TAF4B: variants seen among roughly 807,000 people sequenced by gnomAD.
The protein encoded by TAF4B is transcription initiation factor TFIID subunit 4B.
In TAF4B, 38 loss-of-function variants were observed where a neutral mutation model predicts 86.4. The ratio of observed to expected loss-of-function variants is 0.44; its 90% CI spans 0.34 to 0.58. The LOEUF (loss-of-function observed/expected upper bound fraction) is 0.58, where lower values mean the gene tolerates loss of function less well. Ranked by LOEUF, TAF4B falls within the 20% of genes least tolerant of loss-of-function variation. The pLI, the probability that TAF4B is intolerant of heterozygous loss-of-function variation, is 0.02. For synonymous variants in TAF4B, 388 were observed against 391.2 expected, an observed-to-expected ratio of 0.99 and a Z score of 0.10; for missense variants, 988 against 1,027.6, an observed-to-expected ratio of 0.96 and a Z score of 0.53.
intron 14 of TAF4B, among the ~76,000 whole-genome samples, chr18:26,385,260 T>C (rs889831200): frequency 6.6e-6 from 1 of 152,250 alleles, no homozygotes; most frequent in Non-Finnish European, 1.5e-5. Flanking sequence ...GGTTATTTAG[T>C]ATCATTATTA....
chr18:26,293,951 A>G (rs544455525), intron 9 of TAF4B, among the ~76,000 whole-genome samples: 1 of 152,244 alleles, frequency 6.6e-6, no homozygotes, highest in African/African-American at 2.4e-5. Flanking sequence ...TTTTTAGAGC[A>G]TCTGTGTCAT....
chr18:26,326,777 G>A (rs907876931), intron 11 of TAF4B, among the ~76,000 whole-genome samples: 6 of 152,132 alleles, frequency 3.9e-5, no homozygotes, highest in African/African-American at 1.4e-4. Context: ...TACTAGCAAA[G>A]TTCTTTGAAA....
chr18:26,232,800 T>C (rs1464068632), intron 1 of TAF4B, among the ~76,000 whole-genome samples: 1 of 152,224 alleles, frequency 6.6e-6, no homozygotes, highest in African/African-American at 2.4e-5. Flanking sequence ...AGAGTAAGGA[T>C]AGATTTTGTT....
At chr18:26,238,581 T>C (rs907090473) in intron 1 of TAF4B, among the ~76,000 whole-genome samples, 1 of 152,106 alleles carries the variant, frequency 6.6e-6, no homozygotes, top group Non-Finnish European at 1.5e-5. Context: ...AATGAACTAA[T>C]ATTTATACCT....
At chr18:26,345,907 G>C (rs1036295856) in intron 13 of TAF4B, among the ~76,000 whole-genome samples, 7 of 152,188 alleles carry the variant, frequency 4.6e-5, no homozygotes, top group African/African-American at 1.7e-4. Context: ...ACAGAATACT[G>C]ATGGACATTC....
intron 13 of TAF4B, among the ~76,000 whole-genome samples, chr18:26,355,852 T>C (rs1221140404): frequency 6.6e-6 from 1 of 152,236 alleles, no homozygotes; most frequent in Non-Finnish European, 1.5e-5. Flanking sequence ...TCTAAAACTA[T>C]ATTTTTTATT....
In TAF4B at chr18:26,274,716, T is replaced by C. The variant is rs1382823189; in HGVS notation, c.651T>C (p.Asn217=). The C allele has an allele frequency of 1.2e-6, 2 of 1,614,080 alleles. No homozygotes were observed. The highest frequency in any genetic ancestry group is 1.7e-6 in the Non-Finnish European group (2 of 1,180,016). The change falls in exon 4 of 15, where the codon AAT becomes AAC. Residue 217 remains asparagine (N), a synonymous_variant. Transcript: ENST00000269142. ...CAGTTACTCCTGGAAAGCCATTGAATACTGTAACTACCCTGAAGCCTTCAA... is the reference window on the plus strand; with the variant it reads ...CAGTTACTCCTGGAAAGCCATTGAACACTGTAACTACCCTGAAGCCTTCAA... ...VVTVTPGKPL[N]TVTTLKPSSL...
intron 1 of TAF4B, among the ~76,000 whole-genome samples, chr18:26,235,462 T>C (rs956890617): frequency 2.6e-5 from 4 of 152,236 alleles, no homozygotes; most frequent in African/African-American, 9.6e-5. Flanking sequence ...AGACGCCTTG[T>C]ACCCTTGATT....
At chr18:26,251,746 A>G (rs138472481) in intron 1 of TAF4B, among the ~76,000 whole-genome samples, 3 of 152,322 alleles carry the variant, frequency 2.0e-5, no homozygotes. Flanking sequence ...ACTAACATTC[A>G]GTTTCCCTTT....
In TAF4B at chr18:26,261,172, ATTTT is replaced by A. The variant is rs71169839; in HGVS notation, c.344-3974_344-3971del. 3.0e-3 allele frequency among the ~76,000 whole-genome samples: 230 copies of A among 77,074 alleles called. 1 individual carries two copies. The highest frequency in any genetic ancestry group is 0.011 in the African/African-American group (220 of 19,810). The allele number at this position is 77,074 out of a possible 152,430, so 50.6% of individuals were successfully genotyped here. A position where few individuals can be genotyped will look rare whatever the true frequency, so the allele number is the denominator to read the frequency against. ...CACATCCTTGAACATGAGCACTGTC[ATTTT>A]TTTTTTTTTTTTTTTTTTTTTTTGA... On this transcript the variant is annotated intron_variant, in intron 1 of 14. Coordinates refer to ENST00000269142, the MANE Select transcript of TAF4B (RefSeq NM_005640.3).
chr18:26,335,264 T>C, intron 13 of TAF4B, 33 bp downstream of exon 13: 1 of 1,595,232 alleles, frequency 6.3e-7, no homozygotes, highest in Non-Finnish European at 8.6e-7. Context: ...CTTGTCTTTG[T>C]GTTTGAGGGA....
intron 1 of TAF4B, among the ~76,000 whole-genome samples, chr18:26,250,666 A>G (rs2055993249): frequency 6.6e-6 from 1 of 152,226 alleles, no homozygotes; most frequent in Non-Finnish European, 1.5e-5. Flanking sequence ...GCTAAGTGCC[A>G]TAGATGCAGT....
intron 1 of TAF4B, among the ~76,000 whole-genome samples, chr18:26,239,695 T>A (rs2055805738): frequency 6.6e-6 from 1 of 152,222 alleles, no homozygotes; most frequent in African/African-American, 2.4e-5. Context: ...TGCCTAGGTT[T>A]TCTTCTAGAG....
In TAF4B at chr18:26,390,266, T is replaced by C. The variant is rs150169565; in HGVS notation, c.*254T>C. ...AATTAGGCATCTGCCTATCTGTGCA[T>C]TAAATTAAAGCAAGTTAAGGCCCTA... On this transcript the variant is annotated 3_prime_UTR_variant, in exon 15 of 15. Coordinates refer to ENST00000269142, the MANE Select transcript of TAF4B (RefSeq NM_005640.3). 1.1e-5 allele frequency: 4 copies of C among 361,600 alleles called. No homozygotes were observed. Among genetic ancestry groups the C allele is most frequent in the Non-Finnish European group, 2.0e-5 (4 of 205,124 alleles). The allele number at this position is 361,600 out of a possible 1,614,324, so 22.4% of individuals were successfully genotyped here.
intron 7 of TAF4B, among the ~76,000 whole-genome samples, chr18:26,290,941 T>C (rs2056584231): frequency 6.6e-6 from 1 of 152,184 alleles, no homozygotes; most frequent in Non-Finnish European, 1.5e-5. Flanking sequence ...TACATGAATA[T>C]GATCTCAGCT....
chr18:26,368,554 C>T (rs908453518), intron 14 of TAF4B, among the ~76,000 whole-genome samples: 31 of 152,106 alleles, frequency 2.0e-4, no homozygotes, highest in African/African-American at 7.0e-4. Context: ...TACAGGGGAC[C>T]ACAGTTTTCT....
intron 1 of TAF4B, among the ~76,000 whole-genome samples, chr18:26,260,417 C>T (rs1489089421): frequency 6.6e-6 from 1 of 152,190 alleles, no homozygotes; most frequent in Non-Finnish European, 1.5e-5. Context: ...GGTTTTAGGT[C>T]TGACATTTAA....
chr18:26,296,342 T>C (rs1374414531), intron 9 of TAF4B, among the ~76,000 whole-genome samples: 1 of 152,168 alleles, frequency 6.6e-6, no homozygotes, highest in Admixed American at 6.6e-5. Flanking sequence ...TAGTCATGCT[T>C]TGATTTATGG....
chr18:26,335,973 A>G (rs561768475), intron 13 of TAF4B, among the ~76,000 whole-genome samples: 2 of 152,298 alleles, frequency 1.3e-5, no homozygotes, highest in African/African-American at 2.4e-5. Flanking sequence ...AGTTGCCCCC[A>G]GAGCTGCTGA....
Sources: allele counts gnomAD v4.1 joint callset (sites outside exome capture counted in the v4.1 genomes callset), GRCh38; gene constraint gnomAD v4.1.1; transcripts MANE v1.5; gene names NCBI Gene and HGNC (gene_info 2026-07-23, HGNC 2026-07-21).